The following KCNMB2 variants were observed in gnomAD, a reference collection of about 807,000 sequenced individuals.
The protein encoded by KCNMB2 is potassium calcium-activated channel subfamily M regulatory beta subunit 2.
Under a neutral mutation model 24.5 loss-of-function variants are expected in KCNMB2, and 9 were observed. The observed-to-expected ratio is 0.37, with a 90% CI of 0.22 to 0.64. The LOEUF is 0.64. KCNMB2 is among the 30% of genes least tolerant of loss of function. KCNMB2 has a pLI of 0.63. For synonymous variants in KCNMB2, 109 were observed against 104.4 expected, an observed-to-expected ratio of 1.04 and a Z score of -0.27; for missense variants, 226 against 284.3, an observed-to-expected ratio of 0.79 and a Z score of 1.47.
chr3:178,730,908 C>T (rs1723129981), intron 1 of KCNMB2, among the ~76,000 whole-genome samples: 1 of 152,094 alleles, frequency 6.6e-6, no homozygotes. Context: ...AACAGTACCC[C>T]CTCTAATTGC....
At chr3:178,687,996 GT>G (rs1721525386) in intron 1 of KCNMB2, among the ~76,000 whole-genome samples, 1 of 152,114 alleles carries the variant, frequency 6.6e-6, no homozygotes, top group Admixed American at 6.6e-5. Context: ...ATCAATGAAA[GT>G]TTGGGAAATA....
At chr3:178,823,454 G>C (rs1714713636) in intron 2 of KCNMB2, among the ~76,000 whole-genome samples, 1 of 152,146 alleles carries the variant, frequency 6.6e-6, no homozygotes, top group South Asian at 2.1e-4. Flanking sequence ...ACTACAATGG[G>C]CTCACTTCTC....
rs143302650 is a variant in KCNMB2, at chr3:178,583,632, G to C, written c.-68+46921G>C. 9.8e-3 allele frequency among the ~76,000 whole-genome samples: 1,487 copies of C among 152,232 alleles called. 23 individuals carry two copies. Among genetic ancestry groups the C allele is most frequent in the African/African-American group, 0.034 (1,428 of 41,540 alleles). On this transcript the variant is annotated intron_variant, in intron 1 of 4. Coordinates refer to ENST00000452583, the MANE Select transcript of KCNMB2 (RefSeq NM_181361.3). ...GCAGAATAAAAATTTCCTTTTCACA[G>C]CTAAAATCTACTAGCTGTGTAATCC... is the stretch of plus-strand genomic sequence containing the variant.
chr3:178,674,500 C>T (rs1006507496), intron 1 of KCNMB2, among the ~76,000 whole-genome samples: 1 of 152,184 alleles, frequency 6.6e-6, no homozygotes, highest in African/African-American at 2.4e-5. Flanking sequence ...TCTAATCCAT[C>T]AGTACATTTG....
At chr3:178,736,161 A>G (rs1221886370) in intron 1 of KCNMB2, among the ~76,000 whole-genome samples, 2 of 152,220 alleles carry the variant, frequency 1.3e-5, no homozygotes, top group Non-Finnish European at 2.9e-5. Flanking sequence ...CTTTTCCAGA[A>G]CAGCATGTTT....
intron 1 of KCNMB2, among the ~76,000 whole-genome samples, chr3:178,649,220 T>A (rs1167881722): frequency 6.6e-6 from 1 of 152,164 alleles, no homozygotes; most frequent in Non-Finnish European, 1.5e-5. Context: ...GTAAATCAGT[T>A]CATCATCTTT....
intron 1 of KCNMB2, among the ~76,000 whole-genome samples, chr3:178,702,989 A>C (rs1429134436): frequency 6.6e-6 from 1 of 152,194 alleles, no homozygotes; most frequent in African/African-American, 2.4e-5. Flanking sequence ...TTGGGAGACA[A>C]GAGGAGAAGG....
At chr3:178,779,388 G>C (rs1439321051) in intron 1 of KCNMB2, among the ~76,000 whole-genome samples, 2 of 152,188 alleles carry the variant, frequency 1.3e-5, no homozygotes, top group Non-Finnish European at 2.9e-5. Flanking sequence ...GGAAGCCATT[G>C]ATGGATACAC....
intron 1 of KCNMB2, among the ~76,000 whole-genome samples, chr3:178,719,482 T>A (rs1287522183): frequency 6.6e-6 from 1 of 152,250 alleles, no homozygotes; most frequent in Non-Finnish European, 1.5e-5. Context: ...TGATTAACCC[T>A]GTTATCAGAA....
intron 2 of KCNMB2, among the ~76,000 whole-genome samples, chr3:178,811,488 T>A (rs1425237333): frequency 6.6e-6 from 1 of 152,234 alleles, no homozygotes; most frequent in East Asian, 1.9e-4. Context: ...TTCTGCAACT[T>A]GTTTTTTTCA....
intron 1 of KCNMB2, among the ~76,000 whole-genome samples, chr3:178,737,976 A>G (rs1222736183): frequency 6.6e-6 from 1 of 152,192 alleles, no homozygotes; most frequent in African/African-American, 2.4e-5. Context: ...TATTGACTGA[A>G]TAGCTAAAAA....
chr3:178,828,002 A>G (rs753171717), intron 3 of KCNMB2, among the ~76,000 whole-genome samples, 176 bp from the exon 4 acceptor site: 4 of 152,212 alleles, frequency 2.6e-5, no homozygotes, highest in African/African-American at 4.8e-5. Flanking sequence ...TCTATGTTAT[A>G]CGGTAGTTTG....
intron 4 of KCNMB2, among the ~76,000 whole-genome samples, chr3:178,835,107 T>G (rs546538300): frequency 6.6e-6 from 1 of 151,476 alleles, no homozygotes; most frequent in African/African-American, 2.4e-5. Flanking sequence ...GTCAATTTCC[T>G]AGGTCTTTCA....
At chr3:178,805,355 G>T (rs1172024955) in intron 1 of KCNMB2, among the ~76,000 whole-genome samples, 1 of 152,162 alleles carries the variant, frequency 6.6e-6, no homozygotes, top group Non-Finnish European at 1.5e-5. Flanking sequence ...TATTGGCGCT[G>T]AGAGGAATCT....
Position 178,843,681 on chromosome 3 carries a change from G to A in KCNMB2, c.*744G>A, listed in dbSNP as rs1715510286. On this transcript the variant is annotated 3_prime_UTR_variant, in exon 5 of 5. Transcript: ENST00000452583. ...GAGTGTCATTACCTGTGAGCTGACT[G>A]AATGTTGGTAGGTGCTCCATTACAA... The A allele has an allele frequency of 6.6e-6, 1 of 152,452 alleles. No individual in the cohort carries two copies. Among genetic ancestry groups the A allele is most frequent in the African/African-American group, 2.4e-5 (1 of 41,438 alleles). 9.4% of individuals were successfully genotyped at this position (152,452 alleles called of 1,614,324 possible). A position where few individuals can be genotyped will look rare whatever the true frequency, so the allele number is the denominator to read the frequency against.
At chr3:178,701,812 T>C (rs1347410139) in intron 1 of KCNMB2, among the ~76,000 whole-genome samples, 4 of 152,190 alleles carry the variant, frequency 2.6e-5, no homozygotes, top group Non-Finnish European at 5.9e-5. Context: ...ACTTTTACAC[T>C]GTTGGTGGGA....
chr3:178,587,778 T>A (rs1463825783), intron 1 of KCNMB2, among the ~76,000 whole-genome samples: 2 of 151,534 alleles, frequency 1.3e-5, no homozygotes, highest in Non-Finnish European at 2.9e-5. Context: ...AGGGCACATG[T>A]GCACAACGTG....
chr3:178,603,473 AG>A (rs1718165026), intron 1 of KCNMB2, among the ~76,000 whole-genome samples: 1 of 90,328 alleles, frequency 1.1e-5, no homozygotes, highest in Non-Finnish European at 2.8e-5. Context: ...AAATGGGCAA[AG>A]GAAGGAAGGA....
rs1713950698 is a variant in KCNMB2 at position 178,805,938 on chromosome 3, C to T, written c.-67-1405C>T. Among the ~76,000 whole-genome samples, 3 of 152,148 alleles carry T rather than the reference C, an allele frequency of 2.0e-5. No homozygotes were observed. In the South Asian group the frequency reaches 6.2e-4, roughly 32 times the overall value. On this transcript the variant is annotated intron_variant, in intron 1 of 4. Transcript: ENST00000452583. Reference sequence around the variant, plus strand: ...TAGGCATAAGCCACCACAACTGGCCCAAATCTTTAGGTCATTCATATGCAC... The same window carrying T: ...TAGGCATAAGCCACCACAACTGGCCTAAATCTTTAGGTCATTCATATGCAC...
Sources: allele counts gnomAD v4.1 joint callset (sites outside exome capture counted in the v4.1 genomes callset), GRCh38; gene constraint gnomAD v4.1.1; transcripts MANE v1.5; gene names NCBI Gene and HGNC (gene_info 2026-07-23, HGNC 2026-07-21).